ADAMTS17: variants seen among roughly 807,000 people sequenced by gnomAD.
ADAMTS17 encodes the protein A disintegrin and metalloproteinase with thrombospondin motifs 17.
ADAMTS17 carries 113 observed loss-of-function variants against 141.5 expected under a neutral mutation model. The ratio of observed to expected loss-of-function variants is 0.80; its 90% CI spans 0.69 to 0.93. ADAMTS17 has a LOEUF of 0.93. Ranked by LOEUF, ADAMTS17 falls within the 40% of genes least tolerant of loss-of-function variation. The pLI is 0.00. For missense variants in ADAMTS17, 1,659 were observed against 1,517.9 expected (o/e 1.09, Z -1.54); for synonymous variants, 768 against 630.6 (o/e 1.22, Z -3.27).
chr15:100,162,288 C>T (rs1472328037), intron 8 of ADAMTS17, among the ~76,000 whole-genome samples: 2 of 151,096 alleles, frequency 1.3e-5, no homozygotes. Flanking sequence ...GTAGCCTTGC[C>T]TGGGTTTGTG....
At chr15:100,208,321 C>T (rs1192558156) in intron 7 of ADAMTS17, among the ~76,000 whole-genome samples, 1 of 152,192 alleles carries the variant, frequency 6.6e-6, no homozygotes, top group Non-Finnish European at 1.5e-5. Context: ...TACCTTGACT[C>T]ATTCAAAAAT....
intron 8 of ADAMTS17, among the ~76,000 whole-genome samples, chr15:100,183,885 T>C (rs548558522): frequency 1.3e-5 from 2 of 152,344 alleles, no homozygotes; most frequent in Admixed American, 1.3e-4. Flanking sequence ...TATGGTATCG[T>C]TGAGGCTCCT....
intron 8 of ADAMTS17, among the ~76,000 whole-genome samples, chr15:100,166,996 G>C (rs1048527745): frequency 2.0e-5 from 3 of 152,246 alleles, no homozygotes; most frequent in Admixed American, 6.5e-5. Flanking sequence ...AACTTTCTGC[G>C]ATGACGGGAA....
intron 14 of ADAMTS17, 130 bp from the exon 15 acceptor site, chr15:100,096,606 G>A (rs979462968): frequency 1.7e-6 from 2 of 1,160,956 alleles, no homozygotes; most frequent in Middle Eastern, 2.4e-4. Flanking sequence ...CCATTCAGAG[G>A]CCCAAGAAAA....
chr15:100,214,532 A>G (rs961612320), intron 7 of ADAMTS17, among the ~76,000 whole-genome samples: 1 of 152,208 alleles, frequency 6.6e-6, no homozygotes, highest in Non-Finnish European at 1.5e-5. Context: ...TAATAATAAA[A>G]AACTTGAAAA....
At chr15:100,066,183 C>T (rs1216708492) in intron 15 of ADAMTS17, among the ~76,000 whole-genome samples, 1 of 152,118 alleles carries the variant, frequency 6.6e-6, no homozygotes, top group East Asian at 1.9e-4. Context: ...CTGCAATAAA[C>T]ACACGTGGGG....
At chr15:100,163,087 G>A (rs2141424975) in intron 8 of ADAMTS17, among the ~76,000 whole-genome samples, 3 of 148,582 alleles carry the variant, frequency 2.0e-5, no homozygotes, top group East Asian at 4.0e-4. Flanking sequence ...TAACTATATA[G>A]TTCTATATAG....
At chr15:100,293,553 C>T (rs557415084) in intron 3 of ADAMTS17, among the ~76,000 whole-genome samples, 187 of 152,312 alleles carry the variant, frequency 1.2e-3, no homozygotes, top group African/African-American at 4.3e-3. Context: ...AAGACTGGAA[C>T]TCTGGAGGTC....
intron 12 of ADAMTS17, chr15:100,128,400 T>C (rs2037857255): frequency 6.6e-6 from 1 of 152,126 alleles, no homozygotes; most frequent in South Asian, 2.1e-4. Context: ...CCTTCTGCCA[T>C]CGCCCTGCCC....
intron 4 of ADAMTS17, among the ~76,000 whole-genome samples, chr15:100,272,662 T>C (rs1440784746): frequency 1.0e-5 from 1 of 95,626 alleles, no homozygotes; most frequent in Non-Finnish European, 2.2e-5. Context: ...TACTACTTCT[T>C]TTCTTATTTG....
chr15:100,240,743 C>G (rs2042804555), intron 7 of ADAMTS17, among the ~76,000 whole-genome samples: 1 of 152,198 alleles, frequency 6.6e-6, no homozygotes, highest in African/African-American at 2.4e-5. Flanking sequence ...CGGTATAAGG[C>G]CAAGTTCTAA....
At chr15:100,204,344 A>C (rs757742704) in intron 7 of ADAMTS17, among the ~76,000 whole-genome samples, 1 of 152,220 alleles carries the variant, frequency 6.6e-6, no homozygotes, top group Non-Finnish European at 1.5e-5. Context: ...CCAACTGCTC[A>C]ACTACCAAAC....
chr15:100,006,027 C>G (rs570760905), intron 18 of ADAMTS17, among the ~76,000 whole-genome samples: 1 of 152,130 alleles, frequency 6.6e-6, no homozygotes, highest in African/African-American at 2.4e-5. Flanking sequence ...TTACATGACC[C>G]TCTTCTTATA....
intron 3 of ADAMTS17, among the ~76,000 whole-genome samples, chr15:100,298,526 A>G (rs1315521968): frequency 6.6e-6 from 1 of 152,226 alleles, no homozygotes; most frequent in Non-Finnish European, 1.5e-5. Context: ...CACACCCCAG[A>G]TGGCAGAACC....
At chr15:100,314,084 C>T (rs567050287) in intron 3 of ADAMTS17, among the ~76,000 whole-genome samples, 4 of 152,026 alleles carry the variant, frequency 2.6e-5, no homozygotes, top group East Asian at 1.9e-4. Flanking sequence ...CATGAAGAAA[C>T]GTCAGACAAA....
At chr15:100,275,586 C>T (rs370295204) in intron 4 of ADAMTS17, among the ~76,000 whole-genome samples, 38 of 152,292 alleles carry the variant, frequency 2.5e-4, no homozygotes, top group East Asian at 1.8e-3. Context: ...CCCTCAGTCC[C>T]GGACTGGAGT....
chr15:100,317,532 C>T (rs1161049078), intron 3 of ADAMTS17, among the ~76,000 whole-genome samples: 2 of 152,142 alleles, frequency 1.3e-5, no homozygotes, highest in Admixed American at 6.5e-5. Context: ...AGCTCCAGAT[C>T]CCTCCAGATG....
In ADAMTS17 at chr15:100,314,910, A is replaced by C. The variant is rs117935425; in HGVS notation, c.616+15979T>G. Among the ~76,000 whole-genome samples, 665 of 152,316 alleles carry C rather than the reference A, an allele frequency of 4.4e-3. 7 individuals are homozygous for C. Among genetic ancestry groups the C allele is most frequent in the East Asian group, 0.018 (94 of 5,176 alleles). ...AGAGACCTGGGACACCCTGTTTGGA[A>C]GAAGGTGCAGAAGAGGAGCCGACCG... On this transcript the variant is annotated intron_variant, in intron 3 of 21. Transcript: ENST00000268070.
intron 8 of ADAMTS17, among the ~76,000 whole-genome samples, chr15:100,185,920 T>G (rs1316172634): frequency 6.6e-6 from 1 of 152,170 alleles, no homozygotes; most frequent in East Asian, 1.9e-4. Context: ...CCTTCTTCAT[T>G]TCCGAAGATG....
Sources: allele counts gnomAD v4.1 joint callset (sites outside exome capture counted in the v4.1 genomes callset), GRCh38; gene constraint gnomAD v4.1.1; transcripts MANE v1.5; gene names NCBI Gene and HGNC (gene_info 2026-07-23, HGNC 2026-07-21).